SORBS2: variants seen among roughly 807,000 people sequenced by gnomAD.
SORBS2 encodes the protein sorbin and SH3 domain-containing protein 2.
In SORBS2, 46 loss-of-function variants were observed where a neutral mutation model predicts 97.7. The observed-to-expected ratio is 0.47, with a 90% CI of 0.37 to 0.60. The LOEUF (loss-of-function observed/expected upper bound fraction) is 0.60, where lower values mean the gene tolerates loss of function less well. Ranked by LOEUF, SORBS2 falls within the 20% of genes least tolerant of loss-of-function variation. The pLI is 0.00. For synonymous variants in SORBS2, 476 were observed against 473.4 expected, an observed-to-expected ratio of 1.01 and a Z score of -0.07; for missense variants, 1,316 against 1,282.3, an observed-to-expected ratio of 1.03 and a Z score of -0.40.
intron 2 of SORBS2, among the ~76,000 whole-genome samples, chr4:185,729,777 G>T (rs550219738): frequency 6.6e-6 from 1 of 152,072 alleles, no homozygotes; most frequent in Non-Finnish European, 1.5e-5. Context: ...AACATTTCTT[G>T]TACAGTACAA....
chr4:185,635,658 T>C (rs2096983996), intron 4 of SORBS2, among the ~76,000 whole-genome samples: 1 of 152,192 alleles, frequency 6.6e-6, no homozygotes. Flanking sequence ...ATTTATAAAT[T>C]CATTTTGTCA....
chr4:185,932,002 C>CTA (rs747703284), intron 1 of SORBS2, among the ~76,000 whole-genome samples: 55 of 148,654 alleles, frequency 3.7e-4, no homozygotes, highest in South Asian at 4.3e-4. Context: ...CTCTCTCTCT[C>CTA]TATATATATA....
intron 1 of SORBS2, among the ~76,000 whole-genome samples, chr4:185,840,484 C>A (rs1499010): frequency 0.67 from 101,388 of 151,962 alleles, 33,899 homozygotes; most frequent in Middle Eastern, 0.82. Flanking sequence ...TCCTCTAAAC[C>A]TGTCTGTAGA....
intron 1 of SORBS2, among the ~76,000 whole-genome samples, chr4:185,950,473 G>C (rs1468878865): frequency 1.3e-5 from 2 of 152,152 alleles, no homozygotes; most frequent in Non-Finnish European, 2.9e-5. Flanking sequence ...GTGGGTTAGA[G>C]AACCTCTATA....
intron 6 of SORBS2, among the ~76,000 whole-genome samples, chr4:185,625,803 C>G (rs1385461192): frequency 1.3e-5 from 2 of 152,226 alleles, no homozygotes. Flanking sequence ...TACTCAGAGT[C>G]CAATCATCAC....
At chr4:185,821,472 G>T (rs753023214) in intron 1 of SORBS2, among the ~76,000 whole-genome samples, 2 of 152,188 alleles carry the variant, frequency 1.3e-5, no homozygotes, top group Non-Finnish European at 2.9e-5. Flanking sequence ...CTCCTAGGCT[G>T]CAGTGCAGTG....
intron 1 of SORBS2, among the ~76,000 whole-genome samples, chr4:185,866,552 G>A (rs895948482): frequency 6.6e-6 from 1 of 152,332 alleles, no homozygotes; most frequent in South Asian, 2.1e-4. Flanking sequence ...TACAGTGGAG[G>A]TAATAACGGA....
chr4:185,696,573 C>A (rs2098178070), intron 2 of SORBS2, among the ~76,000 whole-genome samples: 1 of 152,154 alleles, frequency 6.6e-6, no homozygotes. Context: ...CCTGCCTCAG[C>A]CTCCCGAGTA....
chr4:185,737,568 C>T (rs1016272069), intron 2 of SORBS2, among the ~76,000 whole-genome samples: 2 of 152,152 alleles, frequency 1.3e-5, no homozygotes, highest in Non-Finnish European at 2.9e-5. Context: ...CTGTGAGACC[C>T]ATGAGAGCTC....
chr4:185,939,802 G>A (rs897621565), intron 1 of SORBS2, among the ~76,000 whole-genome samples: 2 of 152,108 alleles, frequency 1.3e-5, no homozygotes, highest in Admixed American at 6.6e-5. Context: ...GAGCTACCAC[G>A]CCTGGCCTGT....
intron 1 of SORBS2, among the ~76,000 whole-genome samples, chr4:185,933,688 T>A (rs945353683): frequency 1.3e-5 from 2 of 152,024 alleles, no homozygotes; most frequent in Non-Finnish European, 2.9e-5. Flanking sequence ...TTATATTGGA[T>A]CAAATGCCCA....
At chr4:185,822,561 G>A (rs528058725) in intron 1 of SORBS2, among the ~76,000 whole-genome samples, 1 of 152,332 alleles carries the variant, frequency 6.6e-6, no homozygotes, top group East Asian at 1.9e-4. Flanking sequence ...ACATACGATG[G>A]GAACTTTACA....
intron 12 of SORBS2, among the ~76,000 whole-genome samples, chr4:185,596,185 G>A (rs916623121): frequency 3.3e-5 from 5 of 152,168 alleles, no homozygotes; most frequent in Non-Finnish European, 5.9e-5. Context: ...TTAAAATTGA[G>A]TAAAAGTTTC....
chr4:185,822,044 G>A (rs192473942), intron 1 of SORBS2, among the ~76,000 whole-genome samples: 2 of 152,246 alleles, frequency 1.3e-5, no homozygotes, highest in East Asian at 3.9e-4. Flanking sequence ...TATTTTTTGA[G>A]TCTTATTATT....
intron 1 of SORBS2, among the ~76,000 whole-genome samples, chr4:185,932,336 T>G (rs2099266915): frequency 6.6e-6 from 1 of 151,728 alleles, no homozygotes; most frequent in South Asian, 2.1e-4. Context: ...TTAAGTCAAC[T>G]TTTAATAACC....
intron 4 of SORBS2, among the ~76,000 whole-genome samples, chr4:185,664,484 C>T (rs1490221748): frequency 2.6e-5 from 4 of 152,084 alleles, no homozygotes; most frequent in Admixed American, 2.6e-4. Context: ...AGCTAAGAAC[C>T]ATTGAAGCAC....
chr4:185,622,032 G>A (rs1377806075), intron 7 of SORBS2, among the ~76,000 whole-genome samples: 4 of 152,284 alleles, frequency 2.6e-5, no homozygotes, highest in African/African-American at 4.8e-5. Flanking sequence ...TAAAATTTAC[G>A]TAGTGAACAG....
intron 1 of SORBS2, among the ~76,000 whole-genome samples, chr4:185,845,017 C>T (rs1176895729): frequency 1.4e-5 from 2 of 140,338 alleles, no homozygotes; most frequent in South Asian, 2.3e-4. Flanking sequence ...GATGAAAATG[C>T]TTTTTTTTTT....
At chr4:185,808,001 T>G (rs1310432774) in intron 1 of SORBS2, among the ~76,000 whole-genome samples, 1 of 152,176 alleles carries the variant, frequency 6.6e-6, no homozygotes, top group Non-Finnish European at 1.5e-5. Context: ...TATTACAAAA[T>G]CATGGTTTCT....
Sources: gnomAD v4.1 joint callset for allele counts (sites outside exome capture counted in the v4.1 genomes callset) on GRCh38, gnomAD v4.1.1 for gene constraint, MANE v1.5 for transcripts, NCBI Gene and HGNC (gene_info 2026-07-23, HGNC 2026-07-21) for gene names.